Variants in CAPSL observed in about 807,000 individuals in gnomAD.
The protein encoded by CAPSL is calcyphosin-like protein.
CAPSL carries 17 observed loss-of-function variants against 21.3 expected under a neutral mutation model. The ratio of observed to expected loss-of-function variants is 0.80; its 90% confidence interval spans 0.55 to 1.20. CAPSL has a LOEUF of 1.20. Ranked by LOEUF, CAPSL falls within the 50% of genes most tolerant of loss-of-function variation. The pLI, the probability that CAPSL is intolerant of heterozygous loss-of-function variation, is 0.00. For missense variants in CAPSL, 289 were observed against 259.3 expected, an observed-to-expected ratio of 1.11 and a Z score of -0.79; for synonymous variants, 102 against 89.3, an observed-to-expected ratio of 1.14 and a Z score of -0.80.
At chr5:35,935,061 T>C (rs890977018) in intron 1 of CAPSL, among the ~76,000 whole-genome samples, 3 of 152,198 alleles carry the variant, frequency 2.0e-5, no homozygotes, top group African/African-American at 7.2e-5. Flanking sequence ...CATCCTTCTT[T>C]GAAGCACAGC....
At chr5:35,919,170 A>AAAAAATATATATATATAT (rs754098152) in intron 2 of CAPSL, among the ~76,000 whole-genome samples, 73 of 121,256 alleles carry the variant, frequency 6.0e-4, no homozygotes, top group Middle Eastern at 4.3e-3. Context: ...TAAAAAAAAA[A>AAAAAATATATATATATAT]ATATATATAT....
intron 1 of CAPSL, 106 bp from the exon 2 acceptor site, chr5:35,921,226 G>A: frequency 7.3e-7 from 1 of 1,369,040 alleles, no homozygotes; most frequent in Non-Finnish European, 9.8e-7. Context: ...AGCCTTCTCT[G>A]TCAGGAAACC....
Position 35,919,170 on chromosome 5 carries a change from A to ATATAT in CAPSL, c.137+1813_137+1814insATATA, listed in dbSNP as rs1554069748. 6.3e-4 allele frequency among the ~76,000 whole-genome samples: 76 copies of ATATAT among 121,276 alleles called. 1 individual carries two copies. Among genetic ancestry groups the ATATAT allele is most frequent in the African/African-American group, 2.1e-3 (70 of 33,852 alleles). 79.6% of individuals were successfully genotyped at this position (121,276 alleles called of 152,430 possible). A position where few individuals can be genotyped will look rare whatever the true frequency, so the allele number is the denominator to read the frequency against. On this transcript the variant is annotated intron_variant, in intron 2 of 4. Transcript: ENST00000651391. ...AGTATCTTTCCTGATTAAAAAAAAA[A>ATATAT]ATATATATATATATATATATAAAAA...
intron 4 of CAPSL, among the ~76,000 whole-genome samples, chr5:35,905,321 G>T (rs1449865498): frequency 1.3e-5 from 2 of 152,112 alleles, no homozygotes; most frequent in Non-Finnish European, 2.9e-5. Context: ...ACAGTTATTA[G>T]TCTTATTTTT....
At chr5:35,916,663 T>C (rs965210189) in intron 2 of CAPSL, among the ~76,000 whole-genome samples, 4 of 152,232 alleles carry the variant, frequency 2.6e-5, no homozygotes, top group Non-Finnish European at 5.9e-5. Flanking sequence ...CTTAGCCATA[T>C]GTAGAAAGCT....
chr5:35,910,251 T>C (rs563280961), intron 3 of CAPSL, 115 bp downstream of exon 3: 2 of 1,238,290 alleles, frequency 1.6e-6, no homozygotes, highest in South Asian at 3.0e-5. Context: ...AGTTTTCTGC[T>C]TATCCCCCTC....
chr5:35,920,040 T>G (rs1450377098), intron 2 of CAPSL, among the ~76,000 whole-genome samples: 1 of 152,150 alleles, frequency 6.6e-6, no homozygotes, highest in East Asian at 1.9e-4. Context: ...CCCATTGGAC[T>G]GGGGCAGCCT....
chr5:35,913,266 C>G (rs964494503), intron 2 of CAPSL, among the ~76,000 whole-genome samples: 2 of 152,048 alleles, frequency 1.3e-5, no homozygotes, highest in Non-Finnish European at 2.9e-5. Flanking sequence ...AGAAAGGAAC[C>G]AAGTTGGAAA....
chr5:35,929,693 G>T (rs1463924003), intron 1 of CAPSL, among the ~76,000 whole-genome samples: 3 of 152,180 alleles, frequency 2.0e-5, no homozygotes, highest in Admixed American at 6.5e-5. Flanking sequence ...AGTAAGAGAT[G>T]CAGGAAGGGA....
chr5:35,930,000 A>T (rs1303168524), intron 1 of CAPSL, among the ~76,000 whole-genome samples: 1 of 152,174 alleles, frequency 6.6e-6, no homozygotes, highest in African/African-American at 2.4e-5. Context: ...TGCACTGATT[A>T]TCTTTTATAC....
intron 1 of CAPSL, among the ~76,000 whole-genome samples, chr5:35,934,149 C>T (rs1392609138): frequency 6.6e-6 from 1 of 152,180 alleles, no homozygotes; most frequent in Non-Finnish European, 1.5e-5. Context: ...CAACATGTTA[C>T]AAGGAAAATT....
intron 2 of CAPSL, among the ~76,000 whole-genome samples, chr5:35,916,550 A>T (rs985222981): frequency 4.1e-4 from 63 of 152,306 alleles, no homozygotes; most frequent in Non-Finnish European, 7.8e-4. Context: ...AGCCCTCAGA[A>T]ATAATGCCAC....
At chr5:35,907,411 A>G (rs1225879367) in intron 4 of CAPSL, among the ~76,000 whole-genome samples, 1 of 152,228 alleles carries the variant, frequency 6.6e-6, no homozygotes, top group East Asian at 1.9e-4. Context: ...TATAGTGATG[A>G]TAAAGTCATA....
At chr5:35,909,241 C>T (rs574299651) in intron 4 of CAPSL, among the ~76,000 whole-genome samples, 6 of 152,194 alleles carry the variant, frequency 3.9e-5, no homozygotes, top group South Asian at 2.1e-4. Context: ...TGGAGATGGG[C>T]GGTTGATTTT....
At position 35,904,321 on chromosome 5, in the gene CAPSL, C is replaced by T; in HGVS notation, c.*224G>A. On this transcript the variant is annotated 3_prime_UTR_variant, in exon 5 of 5. Coordinates refer to ENST00000651391, the MANE Select transcript of CAPSL (RefSeq NM_001042625.2). ...TTACAGAGCTCATTTTATTTAAGTC[C>T]TATTTTAGAACAAAGGAAACAGTCT... is the stretch of plus-strand genomic sequence containing the variant. 1.8e-6 allele frequency: 1 copy of T among 561,658 alleles called. No homozygotes were observed. The highest frequency in any genetic ancestry group is 4.1e-4 in the Middle Eastern group (1 of 2,412). 34.8% of individuals were successfully genotyped at this position (561,658 alleles called of 1,614,324 possible). A position where few individuals can be genotyped will look rare whatever the true frequency, so the allele number is the denominator to read the frequency against.
At chr5:35,909,703 C>T (rs1738160144) in intron 4 of CAPSL, 163 bp downstream of exon 4, 1 of 633,426 alleles carries the variant, frequency 1.6e-6, no homozygotes, top group Non-Finnish European at 2.7e-6. Flanking sequence ...GAAGGTTTCC[C>T]CTGGCAATGG....
intron 2 of CAPSL, among the ~76,000 whole-genome samples, chr5:35,913,423 GA>G (rs1738286059): frequency 6.6e-6 from 1 of 152,084 alleles, no homozygotes; most frequent in Non-Finnish European, 1.5e-5. Flanking sequence ...CACCAAAGTG[GA>G]AATAAGGAAA....
intron 1 of CAPSL, among the ~76,000 whole-genome samples, chr5:35,927,850 G>A (rs955573821): frequency 8.5e-5 from 13 of 152,116 alleles, no homozygotes; most frequent in Admixed American, 7.2e-4. Context: ...ATTACTACAC[G>A]GTAGATGGCA....
intron 1 of CAPSL, among the ~76,000 whole-genome samples, chr5:35,937,361 T>A (rs958027438): frequency 2.6e-5 from 4 of 152,246 alleles, no homozygotes; most frequent in Admixed American, 1.3e-4. Flanking sequence ...CCATTTCTAG[T>A]AATTCTCCAT....
Sources: allele counts gnomAD v4.1 joint callset (sites outside exome capture counted in the v4.1 genomes callset), GRCh38; gene constraint gnomAD v4.1.1; transcripts MANE v1.5; gene names NCBI Gene and HGNC (gene_info 2026-07-23, HGNC 2026-07-21).